ANO10: variants seen among roughly 807,000 people sequenced by gnomAD.
The protein encoded by ANO10 is anoctamin-10.
ANO10 carries 77 observed loss-of-function variants against 74.7 expected under a neutral mutation model. That is an observed-to-expected ratio of 1.03 (90% CI 0.86 to 1.25). ANO10 has a LOEUF of 1.25. ANO10 is among the 50% of genes most tolerant of loss of function. The pLI is 0.00. For synonymous variants in ANO10, 279 were observed against 284.9 expected (o/e 0.98, Z 0.21); for missense variants, 721 against 778.1 (o/e 0.93, Z 0.87).
At chr3:43,655,561 T>C (rs1204312143) in intron 1 of ANO10, among the ~76,000 whole-genome samples, 1 of 152,238 alleles carries the variant, frequency 6.6e-6, no homozygotes, top group Non-Finnish European at 1.5e-5. Context: ...CATGTCCTGC[T>C]GATTGGTAGA....
chr3:43,436,332 C>G (rs1378863423), intron 11 of ANO10, among the ~76,000 whole-genome samples: 3 of 151,896 alleles, frequency 2.0e-5, no homozygotes, highest in Non-Finnish European at 4.4e-5. Flanking sequence ...AAGAAAAACA[C>G]TCAAAATGAA....
intron 7 of ANO10, among the ~76,000 whole-genome samples, chr3:43,572,490 C>G (rs1219776280): frequency 6.6e-6 from 1 of 152,180 alleles, no homozygotes; most frequent in Admixed American, 6.5e-5. Context: ...TTCTCTCTAT[C>G]GCAGAGAGAC....
chr3:43,477,772 T>G (rs2076122408), intron 11 of ANO10, among the ~76,000 whole-genome samples: 1 of 152,202 alleles, frequency 6.6e-6, no homozygotes, highest in South Asian at 2.1e-4. Flanking sequence ...GTGGCCTTCC[T>G]GTTTGGGCAA....
intron 10 of ANO10, among the ~76,000 whole-genome samples, chr3:43,553,355 C>A (rs1301331008): frequency 1.3e-5 from 2 of 152,128 alleles, no homozygotes; most frequent in African/African-American, 2.4e-5. Flanking sequence ...TCTCTTGCCA[C>A]ATTTAAAAAG....
chr3:43,379,661 G>A (rs111457491), intron 12 of ANO10, among the ~76,000 whole-genome samples: 3 of 152,316 alleles, frequency 2.0e-5, no homozygotes, highest in African/African-American at 7.2e-5. Flanking sequence ...GTGGGGGCAC[G>A]GTGGGAGGGA....
At chr3:43,434,245 C>T (rs1429655205) in intron 11 of ANO10, among the ~76,000 whole-genome samples, 4 of 152,184 alleles carry the variant, frequency 2.6e-5, no homozygotes, top group African/African-American at 4.8e-5. Flanking sequence ...AAAGATGACA[C>T]TGGAAGATAC....
chr3:43,609,340 A>C (rs2149507404), intron 1 of ANO10, among the ~76,000 whole-genome samples: 1 of 152,360 alleles, frequency 6.6e-6, no homozygotes, highest in East Asian at 1.9e-4. Flanking sequence ...AAAATGACAA[A>C]GTGAAACCAT....
At chr3:43,422,906 C>A (rs2092840624) in intron 12 of ANO10, among the ~76,000 whole-genome samples, 1 of 152,098 alleles carries the variant, frequency 6.6e-6, no homozygotes, top group South Asian at 2.1e-4. Context: ...AGAAATTTTT[C>A]TCTAGTGAAA....
intron 11 of ANO10, among the ~76,000 whole-genome samples, chr3:43,502,275 T>C (rs1281896043): frequency 1.3e-5 from 2 of 152,196 alleles, no homozygotes; most frequent in Non-Finnish European, 2.9e-5. Context: ...CCAAACCTCA[T>C]GTTGAAATCT....
intron 11 of ANO10, among the ~76,000 whole-genome samples, chr3:43,476,812 C>A (rs1293089208): frequency 6.6e-6 from 1 of 152,034 alleles, no homozygotes; most frequent in Admixed American, 6.6e-5. Flanking sequence ...AGACTATCCC[C>A]GAATTCATGC....
intron 11 of ANO10, among the ~76,000 whole-genome samples, chr3:43,497,407 TC>T (rs2076955159): frequency 6.6e-6 from 1 of 152,230 alleles, no homozygotes; most frequent in African/African-American, 2.4e-5. Context: ...TTCTTTTGCC[TC>T]CTCTTTCTTT....
chr3:43,470,602 T>TTATG (rs1269661739), intron 11 of ANO10, among the ~76,000 whole-genome samples: 1 of 145,642 alleles, frequency 6.9e-6, no homozygotes, highest in Non-Finnish European at 1.5e-5. Context: ...ATTATTTTAT[T>TTATG]TATTTATTTA....
intron 11 of ANO10, chr3:43,485,018 T>G (rs2076414908): frequency 6.8e-7 from 1 of 1,466,792 alleles, no homozygotes; most frequent in Non-Finnish European, 9.3e-7. Flanking sequence ...TGGCTTGTGC[T>G]GACGGCTCAG....
intron 11 of ANO10, among the ~76,000 whole-genome samples, chr3:43,504,017 A>G (rs2077193191): frequency 6.6e-6 from 1 of 152,028 alleles, no homozygotes; most frequent in Non-Finnish European, 1.5e-5. Context: ...TAATCCTAGC[A>G]TTTTGGGAGG....
intron 12 of ANO10, among the ~76,000 whole-genome samples, chr3:43,389,619 C>A (rs1342828139): frequency 6.6e-6 from 1 of 152,116 alleles, no homozygotes; most frequent in Non-Finnish European, 1.5e-5. Flanking sequence ...CCCTTTGAAC[C>A]AAGCATTCCA....
intron 12 of ANO10, among the ~76,000 whole-genome samples, chr3:43,401,415 A>G (rs1394933693): frequency 6.6e-6 from 1 of 151,610 alleles, no homozygotes; most frequent in Non-Finnish European, 1.5e-5. Flanking sequence ...GGCGGGGGGG[A>G]AACGCCATAA....
intron 1 of ANO10, among the ~76,000 whole-genome samples, chr3:43,613,742 T>C (rs748429107): frequency 1.3e-5 from 2 of 152,162 alleles, no homozygotes; most frequent in Admixed American, 6.5e-5. Flanking sequence ...ACCTTCAAAA[T>C]GGAAATATCA....
intron 1 of ANO10, among the ~76,000 whole-genome samples, chr3:43,611,327 T>C (rs2082810376): frequency 6.6e-6 from 1 of 152,322 alleles, no homozygotes; most frequent in African/African-American, 2.4e-5. Flanking sequence ...ATACCTGCCT[T>C]GAACAGTTAC....
intron 11 of ANO10, among the ~76,000 whole-genome samples, chr3:43,481,492 C>G (rs1406351049): frequency 6.6e-6 from 1 of 152,158 alleles, no homozygotes; most frequent in Non-Finnish European, 1.5e-5. Context: ...AAAACTAGTT[C>G]AGGCCATGAT....
Sources: gnomAD v4.1 joint callset for allele counts (sites outside exome capture counted in the v4.1 genomes callset) on GRCh38, gnomAD v4.1.1 for gene constraint, MANE v1.5 for transcripts, NCBI Gene and HGNC (gene_info 2026-07-23, HGNC 2026-07-21) for gene names.